The following KIF6 variants were observed in gnomAD, a reference collection of about 807,000 sequenced individuals.
KIF6 encodes kinesin-like protein KIF6.
A neutral mutation model predicts 112.7 loss-of-function variants in KIF6; 106 were observed. That is an observed-to-expected ratio of 0.94 (90% confidence interval 0.80 to 1.11). The LOEUF (loss-of-function observed/expected upper bound fraction) is 1.11, where lower values mean the gene tolerates loss of function less well. Ranked by LOEUF, KIF6 falls within the 50% of genes least tolerant of loss-of-function variation. The probability of loss-of-function intolerance (pLI) is 0.00; values close to 1 mark genes in which losing one functional copy is unlikely to be tolerated. For missense variants in KIF6, 929 were observed against 964.0 expected (o/e 0.96, Z 0.48); for synonymous variants, 339 against 339.9 (o/e 1.00, Z 0.03).
In KIF6 at chr6:39,639,853, T is replaced by C. The variant is rs926633176; in HGVS notation, c.252-96A>G. The C allele has an allele frequency of 6.6e-5, 69 of 1,040,534 alleles. No homozygotes were observed. The East Asian group carries it at 1.9e-3, about 29-fold the overall frequency. 64.5% of individuals were successfully genotyped at this position (1,040,534 alleles called of 1,614,324 possible). On this transcript the variant is annotated intron_variant, in intron 3 of 22. Coordinates refer to ENST00000287152, the MANE Select transcript of KIF6 (RefSeq NM_145027.6). ...CTAATAACAATCTTATTAAACACTA[T>C]TAAAAAAACTTTATAGAAATATCTA...
intron 5 of KIF6, among the ~76,000 whole-genome samples, chr6:39,621,196 G>GACAGACAC (rs1783796121): frequency 7.4e-6 from 1 of 135,920 alleles, no homozygotes; most frequent in Non-Finnish European, 1.6e-5. Flanking sequence ...CCGTAAGATA[G>GACAGACAC]ACACACACAC....
At chr6:39,671,708 C>T (rs766734281) in intron 3 of KIF6, among the ~76,000 whole-genome samples, 32 of 152,358 alleles carry the variant, frequency 2.1e-4, no homozygotes, top group Non-Finnish European at 4.1e-4. Flanking sequence ...CTCTACCTTG[C>T]TTTGTCCCTA....
intron 5 of KIF6, among the ~76,000 whole-genome samples, chr6:39,633,318 G>GA: frequency 6.6e-6 from 1 of 152,186 alleles, no homozygotes; most frequent in South Asian, 2.1e-4. Flanking sequence ...AAAGTCCATT[G>GA]AACCCTTAAG....
In KIF6 at chr6:39,404,119, A is replaced by G. The variant is rs147636375; in HGVS notation, c.1810+15829T>C. Among the ~76,000 whole-genome samples, 737 of 152,270 alleles carry G rather than the reference A, an allele frequency of 4.8e-3. 4 individuals carry two copies. Among genetic ancestry groups the G allele is most frequent in the African/African-American group, 0.013 (539 of 41,566 alleles). ...TGAAAATATTTTCTCCCAGTCTGTC[A>G]CTTGTCTTTTCATTCTCTTAACAGT... On this transcript the variant is annotated intron_variant, in intron 15 of 22. Transcript: ENST00000287152.
chr6:39,391,987 T>C (rs1346649921), intron 15 of KIF6, among the ~76,000 whole-genome samples: 1 of 152,200 alleles, frequency 6.6e-6, no homozygotes, highest in Non-Finnish European at 1.5e-5. Context: ...ACATGTATTT[T>C]GGCCCTGATA....
chr6:39,429,546 A>G (rs912772063), intron 14 of KIF6, among the ~76,000 whole-genome samples: 2 of 152,132 alleles, frequency 1.3e-5, no homozygotes, highest in African/African-American at 4.8e-5. Flanking sequence ...GGCCTATAAT[A>G]TTAGCCAATT....
chr6:39,434,913 G>T (rs1034452091), intron 13 of KIF6, among the ~76,000 whole-genome samples: 2 of 152,134 alleles, frequency 1.3e-5, no homozygotes, highest in East Asian at 3.9e-4. Context: ...TGATCTCTAG[G>T]TGATTAAAAA....
rs370171119 is a variant in KIF6, at chr6:39,431,044, C to A, written c.1754+9G>T. 2 of 1,579,766 alleles carry A rather than the reference C, an allele frequency of 1.3e-6. No homozygotes were observed. The highest frequency in any genetic ancestry group is 8.7e-7 in the Non-Finnish European group (1 of 1,150,396). Reference sequence around the variant, plus strand: ...TCGGAGGACCAGCTGCTCTCTGAGACAGCCTTACCTCTGTTTCAGAATCTG... The same window carrying A: ...TCGGAGGACCAGCTGCTCTCTGAGAAAGCCTTACCTCTGTTTCAGAATCTG... On this transcript the variant is annotated intron_variant, in intron 14 of 22. Transcript: ENST00000287152.
At chr6:39,497,474 G>T (rs938782391) in intron 13 of KIF6, among the ~76,000 whole-genome samples, 1 of 152,192 alleles carries the variant, frequency 6.6e-6, no homozygotes, top group Admixed American at 6.5e-5. Flanking sequence ...ATCCTAGGCA[G>T]ATGGTTTGTG....
intron 15 of KIF6, among the ~76,000 whole-genome samples, chr6:39,386,755 A>G (rs1241570142): frequency 1.3e-5 from 2 of 152,054 alleles, no homozygotes; most frequent in Non-Finnish European, 2.9e-5. Flanking sequence ...TCGTGCATGA[A>G]GGAGGGGTGA....
intron 13 of KIF6, among the ~76,000 whole-genome samples, chr6:39,457,934 C>A (rs1330576246): frequency 6.6e-6 from 1 of 150,382 alleles, no homozygotes; most frequent in Admixed American, 6.7e-5. Context: ...CCGAATTCTA[C>A]CAGAGGTACA....
At chr6:39,377,674 G>T (rs1172898708) in intron 16 of KIF6, among the ~76,000 whole-genome samples, 2 of 152,218 alleles carry the variant, frequency 1.3e-5, no homozygotes. Context: ...TGGGGGAAAA[G>T]AGCCCTCTCA....
intron 13 of KIF6, among the ~76,000 whole-genome samples, chr6:39,443,012 G>T (rs1772023928): frequency 6.6e-6 from 1 of 151,732 alleles, no homozygotes; most frequent in Non-Finnish European, 1.5e-5. Context: ...TACTGGGGAG[G>T]CTGAGGCAGA....
chr6:39,444,107 C>T (rs771407682), intron 13 of KIF6, among the ~76,000 whole-genome samples: 7 of 152,138 alleles, frequency 4.6e-5, no homozygotes, highest in Admixed American at 6.5e-5. Context: ...ACCGAGTCAA[C>T]TAGGTAGTAT....
chr6:39,432,130 C>T (rs559335851), intron 13 of KIF6, among the ~76,000 whole-genome samples: 15 of 152,228 alleles, frequency 9.9e-5, no homozygotes, highest in Admixed American at 1.3e-4. Context: ...GCCCAGTGGA[C>T]ACTGCCACTT....
chr6:39,703,315 C>T (rs1041971164), intron 3 of KIF6, among the ~76,000 whole-genome samples: 48 of 152,016 alleles, frequency 3.2e-4, no homozygotes, highest in African/African-American at 1.1e-3. Context: ...ATTTAAGAAA[C>T]AAAAGACTAT....
In KIF6 at chr6:39,357,348, G is replaced by A. The variant is rs763515741; in HGVS notation, c.2109C>T (p.Leu703=). 5.6e-6 allele frequency: 9 copies of A among 1,613,624 alleles called. No individual in the cohort carries two copies. Among genetic ancestry groups the A allele is most frequent in the South Asian group, 2.2e-5 (2 of 91,066 alleles). The change falls in exon 19 of 23, where the codon CTC becomes CTT. Residue 703 remains leucine, a synonymous_variant. Coordinates refer to ENST00000287152, the MANE Select transcript of KIF6 (RefSeq NM_145027.6). ...LQVNSPAVNS[L]DHTKPFLQTS... ...TCTGGAGAAATGGCTTCGTGTGATC[G>A]AGTGAATTCACTGCTGGAGAATTTA...
At chr6:39,578,313 G>A (rs893508407) in intron 9 of KIF6, among the ~76,000 whole-genome samples, 154 bp from the exon 10 acceptor site, 1 of 148,892 alleles carries the variant, frequency 6.7e-6, no homozygotes, top group African/African-American at 2.5e-5. Context: ...TTAACGTTTT[G>A]TCAAAATAGT....
At position 39,639,699 on chromosome 6, in the gene KIF6, T is replaced by G. The variant is rs746845644; in HGVS notation, c.310A>C (p.Thr104Pro). 1 of 1,612,556 alleles carries G rather than the reference T, an allele frequency of 6.2e-7. No individual in the cohort carries two copies. Among genetic ancestry groups the G allele is most frequent in the Non-Finnish European group, 8.5e-7 (1 of 1,179,100 alleles). Reference protein sequence around the residue: ...FAYGQTGSGKTFTITGGAERY... With the variant: ...FAYGQTGSGKPFTITGGAERY... The stretch of plus-strand genomic sequence containing the variant: ...TCTGCACCCCCTGTGATAGTGAATG[T>G]CTTCCCGCTGCCTGTTTGCCCATAT... Residue 104 changes from threonine (T) to proline (P), a missense_variant, in exon 4 of 23, where the codon ACA becomes CCA. This residue lies in a region of KIF6 where 688 missense variants were observed against 662.7 expected (regional missense o/e 1.04). Coordinates refer to ENST00000287152, the MANE Select transcript of KIF6 (RefSeq NM_145027.6).
Sources: gnomAD v4.1 joint callset for allele counts (sites outside exome capture counted in the v4.1 genomes callset) on GRCh38, gnomAD v4.1.1 for gene constraint, gnomAD v4.1.1 regional missense constraint, MANE v1.5 for transcripts, NCBI Gene and HGNC (gene_info 2026-07-23, HGNC 2026-07-21) for gene names.